TUBA4B: variants seen among roughly 807,000 people sequenced by gnomAD.
TUBA4B encodes the protein tubulin-like protein alpha-4B.
A neutral mutation model predicts 18.4 loss-of-function variants in TUBA4B; 13 were observed. The ratio of observed to expected loss-of-function variants is 0.71; its 90% CI spans 0.46 to 1.12. The LOEUF (loss-of-function observed/expected upper bound fraction) is 1.12, where lower values mean the gene tolerates loss of function less well. Among genes scored for constraint, TUBA4B ranks in the 50% most tolerant of loss-of-function variants. TUBA4B has a pLI of 0.00. For missense variants in TUBA4B, 244 were observed against 250.0 expected (o/e 0.98, Z 0.16); for synonymous variants, 101 against 99.1 (o/e 1.02, Z -0.11).
In TUBA4B at chr2:219,271,579, C is replaced by T. The variant is rs758647410; in HGVS notation, c.606C>T (p.Leu202=). 1.2e-6 allele frequency: 2 copies of T among 1,614,196 alleles called. No homozygotes were observed. Among genetic ancestry groups the T allele is most frequent in the Non-Finnish European group, 8.5e-7 (1 of 1,180,020 alleles). ...TEFQTNLVSY[L]TSTSPWPPMH... is the part of the protein sequence containing the mutation. ...TCCAGACCAACCTGGTGTCCTACCT[C>T]ACATCCACTTCCCCCTGGCCACCTA... The change falls in exon 4 of 4, where the codon CTC becomes CTT. Residue 202 remains leucine, a synonymous_variant. Coordinates refer to ENST00000490341, the MANE Select transcript of TUBA4B (RefSeq NM_001355221.1).
intron 1 of TUBA4B, among the ~76,000 whole-genome samples, chr2:219,258,658 C>G (rs919593536): frequency 1.3e-5 from 2 of 152,090 alleles, no homozygotes; most frequent in Non-Finnish European, 2.9e-5. Flanking sequence ...CTTCTGAACT[C>G]CAGCCCTGGC....
In TUBA4B at chr2:219,271,371, C is replaced by T. The variant is rs201630513; in HGVS notation, c.398C>T (p.Thr133Ile). The T allele has an allele frequency of 6.2e-7, 1 of 1,614,110 alleles. No homozygotes were observed. Among genetic ancestry groups the T allele is most frequent in the Non-Finnish European group, 8.5e-7 (1 of 1,180,040 alleles). The stretch of plus-strand genomic sequence containing the variant: ...AACTCTATCCTGACCACCCACACCA[C>T]CCTGGAGCACTCAGACTGTGCCTTC... ...PYNSILTTHT[T>I]LEHSDCAFMV... The change falls in exon 4 of 4, where the codon ACC becomes ATC. Residue 133 changes from threonine (T) to isoleucine (I), a missense_variant. Coordinates refer to ENST00000490341, the MANE Select transcript of TUBA4B (RefSeq NM_001355221.1).
At chr2:219,253,764 G>T in intron 1 of TUBA4B, 1 of 1,463,114 alleles carries the variant, frequency 6.8e-7, no homozygotes, top group Non-Finnish European at 9.3e-7. Context: ...CGGAACGCCC[G>T]GTGGAGGTCC....
chr2:219,269,439 C>G (rs750470266), intron 2 of TUBA4B, among the ~76,000 whole-genome samples: 11 of 152,216 alleles, frequency 7.2e-5, no homozygotes, highest in African/African-American at 1.2e-4. Context: ...CCAGCCCCTA[C>G]AGCCGATGCC....
intron 1 of TUBA4B, 85 bp from the exon 2 acceptor site, chr2:219,266,436 T>C: frequency 1.5e-6 from 1 of 654,454 alleles, no homozygotes; most frequent in South Asian, 1.7e-5. Flanking sequence ...ATCCACCTGC[T>C]GAGAGCCACC....
intron 1 of TUBA4B, among the ~76,000 whole-genome samples, chr2:219,262,179 T>A (rs529797036): frequency 6.6e-6 from 1 of 152,058 alleles, no homozygotes; most frequent in Admixed American, 6.5e-5. Flanking sequence ...GGCGTGGTGG[T>A]GGGCGCCTGT....
intron 1 of TUBA4B, among the ~76,000 whole-genome samples, chr2:219,260,696 G>A (rs1199042097): frequency 6.6e-6 from 1 of 152,170 alleles, no homozygotes; most frequent in East Asian, 1.9e-4. Flanking sequence ...AGGATTGGCC[G>A]GGCACGGTGG....
At chr2:219,254,034 G>GC (rs780817261) in intron 1 of TUBA4B, 105 of 570,320 alleles carry the variant, frequency 1.8e-4, no homozygotes, top group Non-Finnish European at 2.3e-4. Context: ...AGGGTAAGCG[G>GC]CCCCCCCGAG....
intron 1 of TUBA4B, among the ~76,000 whole-genome samples, chr2:219,261,612 G>A (rs920794766): frequency 2.0e-5 from 3 of 152,198 alleles, no homozygotes; most frequent in Non-Finnish European, 2.9e-5. Context: ...ACACTAGTAT[G>A]TCCTTCACTT....
At chr2:219,266,449 G>A (rs1951789950) in intron 1 of TUBA4B, 72 bp from the exon 2 acceptor site, 1 of 666,574 alleles carries the variant, frequency 1.5e-6, no homozygotes, top group Non-Finnish European at 2.7e-6. Flanking sequence ...GAGCCACCCA[G>A]CGAGTATAAG....
intron 1 of TUBA4B, chr2:219,254,102 G>A (rs1951695932): frequency 4.8e-6 from 2 of 418,576 alleles, no homozygotes; most frequent in South Asian, 7.6e-5. Flanking sequence ...CACCTGTCCC[G>A]CTGGGATTAA....
At chr2:219,257,644 A>C (rs369831418) in intron 1 of TUBA4B, among the ~76,000 whole-genome samples, 118 of 99,400 alleles carry the variant, frequency 1.2e-3, no homozygotes, top group Non-Finnish European at 1.6e-3. Context: ...ACTGTCTCAA[A>C]AAAAAAAAAA....
chr2:219,259,431 T>C (rs1951746969), intron 1 of TUBA4B, among the ~76,000 whole-genome samples: 1 of 151,612 alleles, frequency 6.6e-6, no homozygotes, highest in Admixed American at 6.6e-5. Flanking sequence ...TCAGGATGTA[T>C]ACAGATCTCC....
chr2:219,265,746 A>G lies in TUBA4B; in HGVS notation c.13-775A>G, dbSNP rs562986235. On this transcript the variant is annotated intron_variant, in intron 1 of 3. Coordinates refer to ENST00000490341, the MANE Select transcript of TUBA4B (RefSeq NM_001355221.1). ...GGGAGACTCCTTTTCTGGGGACATA[A>G]GGCCAGGCTAGAGCAGCAGTGACTT... 6.6e-5 allele frequency among the ~76,000 whole-genome samples: 10 copies of G among 152,322 alleles called. No individual in the cohort carries two copies. The South Asian group carries it at 1.9e-3, about 28-fold the overall frequency.
intron 1 of TUBA4B, among the ~76,000 whole-genome samples, chr2:219,262,455 T>A (rs1252743583): frequency 5.3e-5 from 8 of 152,238 alleles, no homozygotes; most frequent in African/African-American, 1.2e-4. Flanking sequence ...CTTATTGCTA[T>A]CTGGAATGTT....
chr2:219,266,532 A>G lies in TUBA4B; in HGVS notation c.24A>G (p.Arg8=), dbSNP rs1311551501. The G allele has an allele frequency of 1.4e-6, 1 of 702,860 alleles. No individual in the cohort carries two copies. Among genetic ancestry groups the G allele is most frequent in the African/African-American group, 1.7e-5 (1 of 57,246 alleles). 43.5% of individuals were successfully genotyped at this position (702,860 alleles called of 1,614,324 possible). MRHQQTE[R]QDPSQPLSRQ... The stretch of plus-strand genomic sequence containing the variant: ...TCACTATCCTGCAGCAGACAGAGAG[A>G]CAAGACCCCAGCCAGCCCCTGTCCA... The change falls in exon 2 of 4, where the codon AGA becomes AGG. Residue 8 remains arginine (R), a synonymous_variant. Coordinates refer to ENST00000490341, the MANE Select transcript of TUBA4B (RefSeq NM_001355221.1).
At chr2:219,270,457 A>C in intron 3 of TUBA4B, 122 bp downstream of exon 3, 1 of 642,784 alleles carries the variant, frequency 1.6e-6, no homozygotes, top group Non-Finnish European at 2.8e-6. Context: ...CAGGATCAGG[A>C]CCAATGAGGA....
At chr2:219,261,827 A>G (rs1441370832) in intron 1 of TUBA4B, among the ~76,000 whole-genome samples, 1 of 152,144 alleles carries the variant, frequency 6.6e-6, no homozygotes, top group Non-Finnish European at 1.5e-5. Context: ...TATAAAAGCC[A>G]TTCTCCTTCC....
At chr2:219,253,914 A>C in intron 1 of TUBA4B, 1 of 1,358,764 alleles carries the variant, frequency 7.4e-7, no homozygotes, top group Non-Finnish European at 9.6e-7. Context: ...CTCAGTGAGA[A>C]CTGCGCTAGC....
Sources: gnomAD v4.1 joint callset for allele counts (sites outside exome capture counted in the v4.1 genomes callset) on GRCh38, gnomAD v4.1.1 for gene constraint, MANE v1.5 for transcripts, NCBI Gene and HGNC (gene_info 2026-07-23, HGNC 2026-07-21) for gene names.